The following DIAPH2 variants were observed in gnomAD, a reference collection of about 807,000 sequenced individuals.
DIAPH2 encodes diaphanous related formin 2, also known as protein diaphanous homolog 2.
Under a neutral mutation model 92.7 loss-of-function variants are expected in DIAPH2, and 35 were observed. That is an observed-to-expected ratio of 0.38 (90% CI 0.29 to 0.50). The LOEUF (loss-of-function observed/expected upper bound fraction) is 0.50, where lower values mean the gene tolerates loss of function less well. Ranked by LOEUF, DIAPH2 falls within the 20% of genes least tolerant of loss-of-function variation. The pLI is 0.94. For missense variants in DIAPH2, 701 were observed against 819.5 expected (o/e 0.86, Z 1.77); for synonymous variants, 301 against 280.4 (o/e 1.07, Z -0.73).
chrX:96,761,562 C>T (rs969768765), intron 4 of DIAPH2, among the ~76,000 whole-genome samples: 1 of 111,088 alleles, frequency 9.0e-6, no homozygotes, highest in Non-Finnish European at 1.9e-5. Context: ...CAGTTGAACC[C>T]AGACATGGCC....
At chrX:97,103,547 C>T (rs1238328731) in intron 20 of DIAPH2, among the ~76,000 whole-genome samples, 3 of 111,803 alleles carry the variant, frequency 2.7e-5, no homozygotes, top group African/African-American at 9.8e-5. Context: ...AATATACTCA[C>T]TTCTCTGTCT....
chrX:96,962,480 C>CATATAT (rs1569436743), intron 16 of DIAPH2, among the ~76,000 whole-genome samples: 3 of 40,979 alleles, frequency 7.3e-5, no homozygotes, highest in East Asian at 9.0e-4. Flanking sequence ...TATATATATA[C>CATATAT]ACACACACAC....
At chrX:97,110,128 A>G (rs1262581655) in intron 20 of DIAPH2, among the ~76,000 whole-genome samples, 1 of 112,121 alleles carries the variant, frequency 8.9e-6, no homozygotes, top group African/African-American at 3.2e-5. Flanking sequence ...AGATCTGGAA[A>G]ATAGTCAGCT....
intron 24 of DIAPH2, among the ~76,000 whole-genome samples, chrX:97,360,896 G>T (rs1471574163): frequency 2.7e-5 from 3 of 110,601 alleles, no homozygotes; most frequent in Non-Finnish European, 5.7e-5. Context: ...TTAGGTGACA[G>T]TCTCCTTCTG....
rs770804082 is a variant in DIAPH2, at chrX:97,258,740, G to A, written c.2844+10901G>A. Among the ~76,000 whole-genome samples, 8 of 94,640 alleles carry A rather than the reference G, an allele frequency of 8.5e-5. No homozygotes were observed. In the South Asian group the frequency reaches 3.6e-3, roughly 42 times the overall value. 82.2% of individuals were successfully genotyped at this position (94,640 alleles called of 115,157 possible). A position where few individuals can be genotyped will look rare whatever the true frequency, so the allele number is the denominator to read the frequency against. On this transcript the variant is annotated intron_variant, in intron 23 of 26. Transcript: ENST00000324765. ...AAAAAAATTAGCCGGTCGTGGTGGCGGGCGCCTGTAGTCCCAGCTACTCGG... is the reference window on the plus strand; with the variant it reads ...AAAAAAATTAGCCGGTCGTGGTGGCAGGCGCCTGTAGTCCCAGCTACTCGG...
chrX:96,715,987 C>G (rs1336672625), intron 1 of DIAPH2, among the ~76,000 whole-genome samples: 1 of 108,705 alleles, frequency 9.2e-6, no homozygotes, highest in Non-Finnish European at 1.9e-5. Context: ...TTGAGTACCT[C>G]TCCTCTGGAC....
intron 17 of DIAPH2, among the ~76,000 whole-genome samples, chrX:97,035,883 C>A (rs916110366): frequency 9.1e-6 from 1 of 109,526 alleles, no homozygotes; most frequent in Non-Finnish European, 1.9e-5. Flanking sequence ...GTGGCATGCG[C>A]CTGTTGTCCC....
At chrX:97,293,400 G>C (rs1483247985) in intron 23 of DIAPH2, among the ~76,000 whole-genome samples, 2 of 109,209 alleles carry the variant, frequency 1.8e-5, no homozygotes, top group Non-Finnish European at 3.8e-5. Flanking sequence ...TTACAGGCAT[G>C]CACCACCAGG....
intron 17 of DIAPH2, among the ~76,000 whole-genome samples, chrX:97,002,826 A>C (rs2066153595): frequency 9.0e-6 from 1 of 111,134 alleles, no homozygotes; most frequent in Non-Finnish European, 1.9e-5. Flanking sequence ...AGTTATTTTA[A>C]AGTGTAAAAT....
At chrX:97,152,141 A>C (rs764512547) in intron 22 of DIAPH2, among the ~76,000 whole-genome samples, 3 of 111,664 alleles carry the variant, frequency 2.7e-5, no homozygotes, top group Non-Finnish European at 3.8e-5. Flanking sequence ...AGCCTGCTTA[A>C]GAGATGTAGG....
At chrX:96,912,862 A>T (rs1481690418) in intron 7 of DIAPH2, among the ~76,000 whole-genome samples, 7 of 111,358 alleles carry the variant, frequency 6.3e-5, no homozygotes, top group African/African-American at 2.3e-4. Context: ...GTGTTTATAA[A>T]GTTTTACAGT....
chrX:97,031,453 A>T (rs140720410), intron 17 of DIAPH2, among the ~76,000 whole-genome samples: 91 of 111,493 alleles, frequency 8.2e-4, no homozygotes, highest in African/African-American at 2.8e-3. Context: ...CTCAATGCAC[A>T]AAAGGTGTTT....
intron 20 of DIAPH2, among the ~76,000 whole-genome samples, chrX:97,111,341 G>A (rs1438521383): frequency 8.9e-6 from 1 of 111,925 alleles, no homozygotes; most frequent in Non-Finnish European, 1.9e-5. Context: ...CTTAGTTGCT[G>A]CTAAGCTACA....
chrX:96,990,457 A>G (rs1259373055), intron 17 of DIAPH2, among the ~76,000 whole-genome samples: 1 of 112,003 alleles, frequency 8.9e-6, no homozygotes, highest in Non-Finnish European at 1.9e-5. Flanking sequence ...CAGGCAGGCC[A>G]TAGTATAGAC....
At chrX:96,877,623 A>G (rs1602587539) in intron 4 of DIAPH2, among the ~76,000 whole-genome samples, 1 of 112,007 alleles carries the variant, frequency 8.9e-6, no homozygotes, top group Non-Finnish European at 1.9e-5. Context: ...TACATTAAAA[A>G]ATGACAGACC....
At chrX:97,518,610 G>A (rs1338621848) in intron 26 of DIAPH2, among the ~76,000 whole-genome samples, 4 of 109,674 alleles carry the variant, frequency 3.6e-5, no homozygotes, top group Non-Finnish European at 7.6e-5. Flanking sequence ...TTTTCTCTCA[G>A]TAGTGTCTAT....
intron 17 of DIAPH2, among the ~76,000 whole-genome samples, chrX:97,044,382 C>T (rs1223551174): frequency 1.8e-5 from 2 of 110,817 alleles, no homozygotes; most frequent in Non-Finnish European, 3.8e-5. Flanking sequence ...CCTCTAAATC[C>T]CCAAAGTACA....
intron 14 of DIAPH2, among the ~76,000 whole-genome samples, chrX:96,946,520 TC>T (rs995237137): frequency 3.7e-4 from 41 of 112,014 alleles, no homozygotes; most frequent in African/African-American, 1.3e-3. Flanking sequence ...AGAAGTTACT[TC>T]AGGGCATCTG....
At chrX:97,077,085 G>C (rs1042546632) in intron 19 of DIAPH2, among the ~76,000 whole-genome samples, 1 of 111,476 alleles carries the variant, frequency 9.0e-6, no homozygotes. Flanking sequence ...GTGCTACTTG[G>C]GTACGGGTGT....
Sources: gnomAD v4.1 joint callset for allele counts (sites outside exome capture counted in the v4.1 genomes callset) on GRCh38, gnomAD v4.1.1 for gene constraint, MANE v1.5 for transcripts, NCBI Gene and HGNC (gene_info 2026-07-23, HGNC 2026-07-21) for gene names.